The following KIF27 variants were observed in gnomAD, a reference collection of about 807,000 sequenced individuals.
KIF27 encodes kinesin family member 27.
KIF27 carries 84 observed loss-of-function variants against 141.8 expected under a neutral mutation model. The ratio of observed to expected loss-of-function variants is 0.59; its 90% CI spans 0.50 to 0.71. The LOEUF (loss-of-function observed/expected upper bound fraction) is 0.71, where lower values mean the gene tolerates loss of function less well. Among genes scored for constraint, KIF27 ranks in the 30% least tolerant of loss-of-function variants. KIF27 has a pLI of 0.00. For missense variants in KIF27, 1,306 were observed against 1,628.4 expected (o/e 0.80, Z 3.41); for synonymous variants, 471 against 569.5 (o/e 0.83, Z 2.46).
rs1954188695 is a variant in KIF27 at position 83,903,743 on chromosome 9, C to G, written c.775G>C (p.Glu259Gln). The G allele has an allele frequency of 6.2e-7, 1 of 1,614,200 alleles. No individual in the cohort carries two copies. The highest frequency in any genetic ancestry group is 8.5e-7 in the Non-Finnish European group (1 of 1,180,036). The change falls in exon 4 of 18, where the codon GAA (glutamate) becomes CAA (glutamine). Residue 259 changes from glutamate (E) to glutamine (Q), a missense_variant. By Grantham distance (29) the Glu-to-Gln change is conservative. Coordinates refer to ENST00000297814, the MANE Select transcript of KIF27 (RefSeq NM_017576.4). ...ATTTGAATGGATTCTTTGAACCGTT[C>G]ACCAGTATTCCCCGTTTTGGTTACT... The part of the protein sequence containing the change: ...ERVTKTGNTG[E>Q]RFKESIQINS...
Position 83,834,419 on chromosome 9 carries a change from T to C in KIF27, c.*2582A>G, listed in dbSNP as rs1945576203. Among the ~76,000 whole-genome samples, 1 of 152,080 alleles carries C rather than the reference T, an allele frequency of 6.6e-6. No homozygotes were observed. The highest frequency in any genetic ancestry group is 1.5e-5 in the Non-Finnish European group (1 of 67,952). On this transcript the variant is annotated 3_prime_UTR_variant, in exon 18 of 18. Coordinates refer to ENST00000297814, the MANE Select transcript of KIF27 (RefSeq NM_017576.4). Reference sequence around the variant, plus strand: ...CATATGTGGCATGAAATGTCATATATATAAAGGATATATGTTTAACCAAAA... The same window carrying C: ...CATATGTGGCATGAAATGTCATATACATAAAGGATATATGTTTAACCAAAA...
intron 14 of KIF27, among the ~76,000 whole-genome samples, chr9:83,856,466 G>A (rs999365854): frequency 1.3e-5 from 2 of 151,918 alleles, no homozygotes; most frequent in African/African-American, 4.8e-5. Context: ...AATTAGGCCA[G>A]GTGCAGTGGC....
At chr9:83,904,457 A>G (rs1282232086) in intron 3 of KIF27, among the ~76,000 whole-genome samples, 1 of 151,920 alleles carries the variant, frequency 6.6e-6, no homozygotes, top group East Asian at 1.9e-4. Context: ...TGCAACCTCT[A>G]CCTCGGGTTC....
chr9:83,890,325 G>C (rs936269351), intron 6 of KIF27, among the ~76,000 whole-genome samples: 35 of 151,942 alleles, frequency 2.3e-4, no homozygotes, highest in African/African-American at 7.0e-4. Flanking sequence ...CCTCCCAATG[G>C]GGTATGAGGG....
intron 16 of KIF27, 40 bp downstream of exon 16, chr9:83,850,059 T>G: frequency 6.5e-7 from 1 of 1,535,048 alleles, no homozygotes; most frequent in Non-Finnish European, 9.0e-7. Context: ...TACCCACACC[T>G]ACACATCAAC....
intron 17 of KIF27, among the ~76,000 whole-genome samples, chr9:83,840,504 C>A (rs1946436344): frequency 6.6e-6 from 1 of 151,900 alleles, no homozygotes; most frequent in African/African-American, 2.4e-5. Flanking sequence ...ACCTGTATAC[C>A]ACCATACTAC....
chr9:83,860,622 A>C lies in KIF27; in HGVS notation c.2935-1251T>G, dbSNP rs7847933. On this transcript the variant is annotated intron_variant, in intron 13 of 17. Coordinates refer to ENST00000297814, the MANE Select transcript of KIF27 (RefSeq NM_017576.4). ...CTAATTCTTCTCCAACAGAACTATA[A>C]AATTCCTCAACACTTTTTCATTTAT... Among the ~76,000 whole-genome samples, 1,038 of 152,336 alleles carry C rather than the reference A, an allele frequency of 6.8e-3. 15 individuals carry two copies. The highest frequency in any genetic ancestry group is 0.024 in the African/African-American group (997 of 41,564).
At chr9:83,921,215 C>G (rs1956241655) in intron 1 of KIF27, among the ~76,000 whole-genome samples, 156 bp downstream of exon 1, 1 of 152,034 alleles carries the variant, frequency 6.6e-6, no homozygotes, top group Non-Finnish European at 1.5e-5. Context: ...CTCCGCTACC[C>G]ACCCGCGGCG....
At chr9:83,911,376 G>A (rs1272823137) in intron 2 of KIF27, among the ~76,000 whole-genome samples, 4 of 151,874 alleles carry the variant, frequency 2.6e-5, no homozygotes, top group Admixed American at 6.6e-5. Context: ...CACTACAGGC[G>A]CCCACCACCA....
chr9:83,878,294 T>C (rs1168882276), intron 11 of KIF27, among the ~76,000 whole-genome samples: 1 of 151,878 alleles, frequency 6.6e-6, no homozygotes, highest in Non-Finnish European at 1.5e-5. Context: ...ATTCACACAT[T>C]GCTGGTGGAA....
Position 83,834,145 on chromosome 9 carries a change from T to TA in KIF27, c.*2855dup, listed in dbSNP as rs556241108. ...TTACAGTTAAGAGGAAAAAAGAACATAATGAACGAAAAAAAGAAAACCACA... is the reference window on the plus strand; with the variant it reads ...TTACAGTTAAGAGGAAAAAAGAACATAAATGAACGAAAAAAAGAAAACCACA... On this transcript the variant is annotated 3_prime_UTR_variant, in exon 18 of 18. Transcript: ENST00000297814. Among the ~76,000 whole-genome samples the TA allele has an allele frequency of 6.6e-6, 1 of 151,786 alleles. No homozygotes were observed. Among genetic ancestry groups the TA allele is most frequent in the African/African-American group, 2.4e-5 (1 of 41,334 alleles).
intron 2 of KIF27, among the ~76,000 whole-genome samples, chr9:83,909,612 A>C (rs1026889950): frequency 1.0e-4 from 10 of 100,096 alleles, no homozygotes; most frequent in Middle Eastern, 4.6e-3. Flanking sequence ...AAACTGTCTC[A>C]AAAAAAAAAA....
chr9:83,852,452 C>CA (rs776901581), intron 15 of KIF27, among the ~76,000 whole-genome samples: 21,069 of 103,610 alleles, frequency 0.2, 1,704 homozygotes, highest in African/African-American at 0.25. Flanking sequence ...GACTCTGTCT[C>CA]AAAAAAAAAA....
chr9:83,918,948 C>T (rs1216907460), intron 1 of KIF27, among the ~76,000 whole-genome samples: 4 of 151,952 alleles, frequency 2.6e-5, no homozygotes, highest in Non-Finnish European at 4.4e-5. Flanking sequence ...TGGTGGTGGG[C>T]GCCTATAATC....
intron 9 of KIF27, among the ~76,000 whole-genome samples, chr9:83,886,665 A>C (rs1258976834): frequency 2.6e-5 from 4 of 152,148 alleles, no homozygotes; most frequent in Admixed American, 6.5e-5. Flanking sequence ...CTGAGGTAGG[A>C]GGATTGGTTG....
At chr9:83,867,266 T>C (rs1950438922) in intron 13 of KIF27, among the ~76,000 whole-genome samples, 1 of 152,168 alleles carries the variant, frequency 6.6e-6, no homozygotes, top group Non-Finnish European at 1.5e-5. Flanking sequence ...AACATTTGTG[T>C]TGTTTTCAGT....
intron 16 of KIF27, among the ~76,000 whole-genome samples, chr9:83,849,199 T>C (rs1948238044): frequency 1.3e-5 from 2 of 152,178 alleles, no homozygotes; most frequent in Non-Finnish European, 2.9e-5. Context: ...AATATCAGTT[T>C]CAGAACTAAA....
chr9:83,880,172 C>A, intron 11 of KIF27, 125 bp downstream of exon 11: 3 of 1,392,602 alleles, frequency 2.2e-6, no homozygotes, highest in South Asian at 2.6e-5. Flanking sequence ...TGAATAAGGA[C>A]AGCAGTGAAG....
chr9:83,848,608 A>G (rs1370333774), intron 16 of KIF27: 1 of 148,490 alleles, frequency 6.7e-6, no homozygotes, highest in Non-Finnish European at 1.5e-5. Flanking sequence ...ATATGCATAT[A>G]TGCATATATG....
Sources: allele counts gnomAD v4.1 joint callset (sites outside exome capture counted in the v4.1 genomes callset), GRCh38; gene constraint gnomAD v4.1.1; transcripts MANE v1.5; gene names NCBI Gene and HGNC (gene_info 2026-07-23, HGNC 2026-07-21).